The following MAGI2 variants were observed in gnomAD, a reference collection of about 807,000 sequenced individuals.
MAGI2 encodes membrane-associated guanylate kinase, WW and PDZ domain-containing protein 2.
Under a neutral mutation model 133.3 loss-of-function variants are expected in MAGI2, and 35 were observed. That is an observed-to-expected ratio of 0.26 (90% confidence interval 0.20 to 0.35). MAGI2 has a LOEUF of 0.35. Among genes scored for constraint, MAGI2 ranks in the 10% least tolerant of loss-of-function variants. MAGI2 has a pLI of 1.00. For missense variants in MAGI2, 1,636 were observed against 1,863.4 expected, an observed-to-expected ratio of 0.88 and a Z score of 2.25; for synonymous variants, 729 against 710.6, an observed-to-expected ratio of 1.03 and a Z score of -0.41.
At chr7:79,153,822 G>C (rs989340580) in intron 1 of MAGI2, among the ~76,000 whole-genome samples, 6 of 152,148 alleles carry the variant, frequency 3.9e-5, no homozygotes, top group African/African-American at 1.4e-4. Flanking sequence ...AATGGATAAA[G>C]CCTCATTACT....
At chr7:78,538,893 G>T (rs1798180060) in intron 3 of MAGI2, among the ~76,000 whole-genome samples, 1 of 152,092 alleles carries the variant, frequency 6.6e-6, no homozygotes, top group South Asian at 2.1e-4. Flanking sequence ...AGATATTCAG[G>T]CAACAACTAG....
At chr7:78,116,421 T>C (rs1819878434) in intron 20 of MAGI2, among the ~76,000 whole-genome samples, 1 of 147,026 alleles carries the variant, frequency 6.8e-6, no homozygotes, top group South Asian at 2.1e-4. Flanking sequence ...AAATATTAAG[T>C]ATAAAAACAG....
chr7:79,158,962 T>C (rs552024658), intron 1 of MAGI2, among the ~76,000 whole-genome samples: 1 of 152,234 alleles, frequency 6.6e-6, no homozygotes, highest in East Asian at 1.9e-4. Flanking sequence ...TTTAAGGTTT[T>C]ATACCTTTTA....
intron 12 of MAGI2, among the ~76,000 whole-genome samples, chr7:78,191,108 A>G (rs562635892): frequency 3.8e-4 from 58 of 152,332 alleles, no homozygotes; most frequent in African/African-American, 1.3e-3. Flanking sequence ...TTAAATAATT[A>G]ATATGAAGAT....
intron 21 of MAGI2, among the ~76,000 whole-genome samples, chr7:78,037,157 C>T (rs1373447234): frequency 6.6e-6 from 1 of 151,904 alleles, no homozygotes; most frequent in Non-Finnish European, 1.5e-5. Context: ...TTAACATGAG[C>T]GTTGGGCAGA....
In MAGI2 at chr7:78,995,371, A is replaced by G. The variant is rs185704513; in HGVS notation, c.418+11719T>C. Among the ~76,000 whole-genome samples, 146 of 152,280 alleles carry G rather than the reference A, an allele frequency of 9.6e-4. 1 individual carries two copies. Among genetic ancestry groups the G allele is most frequent in the African/African-American group, 3.2e-3 (133 of 41,580 alleles). ...ATAGCTTTAATTACTGAAATAATAT[A>G]ATTATCAATTAACAATTTCTTTTTC... On this transcript the variant is annotated intron_variant, in intron 2 of 21. Transcript: ENST00000354212.
intron 1 of MAGI2, among the ~76,000 whole-genome samples, chr7:79,168,858 A>G (rs1825203029): frequency 6.9e-6 from 1 of 144,900 alleles, no homozygotes; most frequent in Non-Finnish European, 1.5e-5. Context: ...TGGTGACAGT[A>G]ATGTCTGCCA....
chr7:78,903,491 G>C (rs891818228), intron 2 of MAGI2, among the ~76,000 whole-genome samples: 9 of 152,018 alleles, frequency 5.9e-5, no homozygotes, highest in Non-Finnish European at 1.0e-4. Context: ...CACCGCGCCC[G>C]GCCGAGTTCC....
chr7:79,266,765 A>G (rs1462888590), intron 1 of MAGI2, among the ~76,000 whole-genome samples: 1 of 152,202 alleles, frequency 6.6e-6, no homozygotes, highest in African/African-American at 2.4e-5. Flanking sequence ...CTACTAGAGC[A>G]TATGGAAAGT....
At chr7:79,343,571 C>T (rs1331621324) in intron 1 of MAGI2, among the ~76,000 whole-genome samples, 1 of 151,340 alleles carries the variant, frequency 6.6e-6, no homozygotes, top group Non-Finnish European at 1.5e-5. Flanking sequence ...GGCATTGGCC[C>T]CAAATTGGCT....
intron 5 of MAGI2, among the ~76,000 whole-genome samples, chr7:78,492,139 T>A (rs1323612169): frequency 1.3e-5 from 2 of 152,076 alleles, no homozygotes; most frequent in Non-Finnish European, 2.9e-5. Context: ...CAAATTACCA[T>A]TCCTATTGCA....
rs558015379 is a variant in MAGI2 at position 78,691,005 on chromosome 7, ACTTTT to A, written c.419-63771_419-63767del. Among the ~76,000 whole-genome samples, 292 of 152,250 alleles carry A rather than the reference ACTTTT, an allele frequency of 1.9e-3. 1 individual carries two copies. Among genetic ancestry groups the A allele is most frequent in the Middle Eastern group, 3.4e-3 (1 of 294 alleles). The stretch of plus-strand genomic sequence containing the variant: ...TGCAAGGGTCTTTACAATGGCCTTG[ACTTTT>A]CTTTTCCATATTCTTTTTAATTCAT... On this transcript the variant is annotated intron_variant, in intron 2 of 21. Coordinates refer to ENST00000354212, the MANE Select transcript of MAGI2 (RefSeq NM_012301.4).
chr7:78,884,719 G>A (rs1353604762), intron 2 of MAGI2, among the ~76,000 whole-genome samples: 1 of 152,144 alleles, frequency 6.6e-6, no homozygotes, highest in Non-Finnish European at 1.5e-5. Context: ...TACACTTTTG[G>A]TGGAAATGTA....
At chr7:79,367,878 T>TATATATATA (rs1446885185) in intron 1 of MAGI2, among the ~76,000 whole-genome samples, 5 of 116,574 alleles carry the variant, frequency 4.3e-5, no homozygotes, top group South Asian at 2.9e-4. Flanking sequence ...TATATATATG[T>TATATATATA]CATTGACTGG....
intron 1 of MAGI2, chr7:79,009,095 T>C (rs974313501): frequency 2.0e-4 from 31 of 152,266 alleles, no homozygotes; most frequent in African/African-American, 7.5e-4. Flanking sequence ...ATGCCAACTA[T>C]AGAACAACAG....
chr7:78,494,603 C>T (rs1042642927), intron 5 of MAGI2, among the ~76,000 whole-genome samples: 2 of 152,072 alleles, frequency 1.3e-5, no homozygotes, highest in Non-Finnish European at 2.9e-5. Context: ...AAAACATGTT[C>T]TCCTTTCCTT....
chr7:78,571,079 C>T (rs1473632008), intron 3 of MAGI2, among the ~76,000 whole-genome samples: 5 of 152,124 alleles, frequency 3.3e-5, no homozygotes, highest in Non-Finnish European at 7.4e-5. Context: ...GTTATCTCCT[C>T]GAAGTGAAAT....
At chr7:78,705,916 T>C (rs1818594432) in intron 2 of MAGI2, among the ~76,000 whole-genome samples, 1 of 152,098 alleles carries the variant, frequency 6.6e-6, no homozygotes, top group Non-Finnish European at 1.5e-5. Context: ...CTTTGACAAA[T>C]ACACTGCCAA....
At chr7:79,021,501 T>G (rs1158639044) in intron 1 of MAGI2, among the ~76,000 whole-genome samples, 1 of 152,168 alleles carries the variant, frequency 6.6e-6, no homozygotes, top group African/African-American at 2.4e-5. Context: ...TCAAAGCAGA[T>G]TATTTTAGAA....
Sources: gnomAD v4.1 joint callset for allele counts (sites outside exome capture counted in the v4.1 genomes callset) on GRCh38, gnomAD v4.1.1 for gene constraint, MANE v1.5 for transcripts, NCBI Gene and HGNC (gene_info 2026-07-23, HGNC 2026-07-21) for gene names.